APPL1: variants seen among roughly 807,000 people sequenced by gnomAD.
APPL1 encodes adaptor protein, phosphotyrosine interacting with PH domain and leucine zipper 1.
In APPL1, 42 loss-of-function variants were observed where a neutral mutation model predicts 106.8. That is an observed-to-expected ratio of 0.39 (90% CI 0.31 to 0.51). The LOEUF is 0.51. APPL1 is among the 20% of genes least tolerant of loss of function. APPL1 has a pLI of 0.75. For missense variants in APPL1, 769 were observed against 858.2 expected, an observed-to-expected ratio of 0.90 and a Z score of 1.30; for synonymous variants, 263 against 281.8, an observed-to-expected ratio of 0.93 and a Z score of 0.67.
intron 13 of APPL1, 83 bp from the exon 14 acceptor site, chr3:57,256,874 A>C: frequency 9.6e-7 from 1 of 1,044,964 alleles, no homozygotes. Flanking sequence ...ACTCAGAAGC[A>C]TTCTAACAAT....
chr3:57,246,831 C>G (rs149869354), intron 8 of APPL1, among the ~76,000 whole-genome samples: 43 of 151,824 alleles, frequency 2.8e-4, no homozygotes, highest in Non-Finnish European at 5.7e-4. Context: ...AGGGAGACCC[C>G]ATCTCTACAA....
rs550192941 is a variant in APPL1 at position 57,253,944 on chromosome 3, C to T, written c.1152+206C>T. 4.0e-4 allele frequency among the ~76,000 whole-genome samples: 60 copies of T among 149,844 alleles called. 1 individual carries two copies. Among genetic ancestry groups the T allele is most frequent in the African/African-American group, 1.5e-3 (60 of 40,894 alleles). ...GTGGCCTGATCTTTGTTCACTACAA[C>T]CTCCACCTCCCAGGTTCAAGCGATT... On this transcript the variant is annotated intron_variant, in intron 13 of 21. Coordinates refer to ENST00000288266, the MANE Select transcript of APPL1 (RefSeq NM_012096.3).
intron 11 of APPL1, among the ~76,000 whole-genome samples, chr3:57,249,838 T>C (rs1373501292): frequency 3.3e-5 from 5 of 152,124 alleles, no homozygotes; most frequent in Non-Finnish European, 5.9e-5. Flanking sequence ...ACAGAACAAG[T>C]TAATGGAAAG....
rs2060712792 is a variant in APPL1, at chr3:57,235,674, T to G, written c.153+10T>G. ...GATTTATGATGCACAGGTAAAACACTAAGGACTAACTTGATGCTTTTAAAA... is the reference window on the plus strand; with the variant it reads ...GATTTATGATGCACAGGTAAAACACGAAGGACTAACTTGATGCTTTTAAAA... On this transcript the variant is annotated intron_variant, in intron 2 of 21. Coordinates refer to ENST00000288266, the MANE Select transcript of APPL1 (RefSeq NM_012096.3). 1.3e-6 allele frequency: 2 copies of G among 1,594,214 alleles called. No homozygotes were observed.
intron 2 of APPL1, among the ~76,000 whole-genome samples, chr3:57,236,934 G>A (rs1022756217): frequency 1.3e-5 from 2 of 152,118 alleles, no homozygotes; most frequent in African/African-American, 4.8e-5. Flanking sequence ...GAGTTGCTAT[G>A]TTGTTGTTTA....
In APPL1 at chr3:57,246,171, C is replaced by T. The variant is rs2060772535; in HGVS notation, c.570C>T (p.Tyr190=). 1.9e-6 allele frequency: 3 copies of T among 1,611,108 alleles called. No homozygotes were observed. The highest frequency in any genetic ancestry group is 2.5e-6 in the Non-Finnish European group (3 of 1,178,738). ...TTTGTGCATTAAATACTCTTCAGTACAAGAAGAAAATAGCATTGTTAGAAC... is the reference window on the plus strand; with the variant it reads ...TTTGTGCATTAAATACTCTTCAGTATAAGAAGAAAATAGCATTGTTAGAAC... ...HYFCALNTLQ[Y]KKKIALLEPL... The change falls in exon 8 of 22, where the codon TAC becomes TAT. Residue 190 remains tyrosine (Y), a synonymous_variant. Coordinates refer to ENST00000288266, the MANE Select transcript of APPL1 (RefSeq NM_012096.3).
At chr3:57,264,530 C>A (rs899562426) in intron 19 of APPL1, among the ~76,000 whole-genome samples, 1 of 148,792 alleles carries the variant, frequency 6.7e-6, no homozygotes. Flanking sequence ...AGATTTAAGG[C>A]TTTAATCCAT....
In APPL1 at chr3:57,272,097, G is replaced by GACTT. The variant is rs774766494; in HGVS notation, c.*2413_*2416dup. 2.6e-5 allele frequency: 4 copies of GACTT among 152,094 alleles called. No individual in the cohort carries two copies. The highest frequency in any genetic ancestry group is 2.4e-5 in the African/African-American group (1 of 41,420). 9.4% of individuals were successfully genotyped at this position (152,094 alleles called of 1,614,324 possible). A position where few individuals can be genotyped will look rare whatever the true frequency, so the allele number is the denominator to read the frequency against. ...TTTGGGATATCTTTTCTCACATTCA[G>GACTT]ACTTACACTTAATGGTGTTAGAAAT... On this transcript the variant is annotated 3_prime_UTR_variant, in exon 22 of 22. Transcript: ENST00000288266.
At chr3:57,268,286 A>T in intron 20 of APPL1, 112 bp from the exon 21 acceptor site, 1 of 1,096,862 alleles carries the variant, frequency 9.1e-7, no homozygotes, top group Non-Finnish European at 1.3e-6. Context: ...GTGCTTTCTT[A>T]TGTATAAATG....
At position 57,267,769 on chromosome 3, in the gene APPL1, C is replaced by T. The variant is rs2060903056; in HGVS notation, c.1870C>T (p.Gln624Ter). Residue 624 changes from glutamine to a stop codon, truncating the protein, a stop_gained, in exon 20 of 22, where the codon CAG (glutamine) becomes TAG (stop). Coordinates refer to ENST00000288266, the MANE Select transcript of APPL1 (RefSeq NM_012096.3). LOFTEE classifies it high-confidence loss of function. Reference protein sequence around the residue: ...KICDSVGLAKQIALHAELDRR... With the variant: ...KICDSVGLAK ...ATGTGATTCTGTTGGACTGGCAAAA[C>T]AGATAGCTTTGCATGCTGAACTGGT... 6.2e-7 allele frequency: 1 copy of T among 1,613,866 alleles called. No individual in the cohort carries two copies. The highest frequency in any genetic ancestry group is 8.5e-7 in the Non-Finnish European group (1 of 1,179,994).
chr3:57,272,033 TTC>T lies in APPL1; in HGVS notation c.*2348_*2349del, dbSNP rs2060944787. 6.6e-6 allele frequency: 1 copy of T among 152,204 alleles called. No individual in the cohort carries two copies. 9.4% of individuals were successfully genotyped at this position (152,204 alleles called of 1,614,324 possible). A position where few individuals can be genotyped will look rare whatever the true frequency, so the allele number is the denominator to read the frequency against. Reference sequence around the variant, plus strand: ...GATTGTTACCCTCCTTTGAAATCCCTTCTAGTTCTGAGATGCTTTGAGGGTAA... The same window carrying T: ...GATTGTTACCCTCCTTTGAAATCCCTTAGTTCTGAGATGCTTTGAGGGTAA... On this transcript the variant is annotated 3_prime_UTR_variant, in exon 22 of 22. Transcript: ENST00000288266.
Position 57,237,513 on chromosome 3 carries a change from C to CA in APPL1, c.176dup (p.His59GlnfsTer11). ...ATAGAATGAATTAAGTGCAGCAACA[C>CA]ACCTGACCTCAAAACTTTTAAAAGA... On this transcript the variant is annotated frameshift_variant, in exon 3 of 22. Transcript: ENST00000288266. LOFTEE classifies it high-confidence loss of function. 1.2e-6 allele frequency: 2 copies of CA among 1,603,320 alleles called. No homozygotes were observed. Among genetic ancestry groups the CA allele is most frequent in the Non-Finnish European group, 1.7e-6 (2 of 1,175,152 alleles).
At position 57,268,335 on chromosome 3, in the gene APPL1, A is replaced by G. The variant is rs1306745017; in HGVS notation, c.1894-63A>G. On this transcript the variant is annotated intron_variant, in intron 20 of 21. Transcript: ENST00000288266. ...AAAGGTTACCATGTGATATTAACTGAAATGTCTAAAATTTAAAGTTATTTC... is the reference window on the plus strand; with the variant it reads ...AAAGGTTACCATGTGATATTAACTGGAATGTCTAAAATTTAAAGTTATTTC... 1.8e-5 allele frequency: 26 copies of G among 1,417,562 alleles called. No homozygotes were observed. In the East Asian group the frequency reaches 6.0e-4, roughly 33 times the overall value. The allele number at this position is 1,417,562 out of a possible 1,614,324, so 87.8% of individuals were successfully genotyped here.
Position 57,249,378 on chromosome 3 carries a change from A to C in APPL1, c.882A>C (p.Ser294=). The change falls in exon 11 of 22, where the codon TCA becomes TCC. Residue 294 remains serine, a synonymous_variant. Transcript: ENST00000288266. ...LNARNKTGLV[S]STWDRQFYFT... is the part of the protein sequence containing the mutation. Reference sequence around the variant, plus strand: ...CATTCAGTAAAACAGGCTTGGTGTCATCTACCTGGGACAGACAGTTTTACT... The same window carrying C: ...CATTCAGTAAAACAGGCTTGGTGTCCTCTACCTGGGACAGACAGTTTTACT... The C allele has an allele frequency of 6.2e-7, 1 of 1,614,182 alleles. No homozygotes were observed. The highest frequency in any genetic ancestry group is 8.5e-7 in the Non-Finnish European group (1 of 1,180,034).
chr3:57,257,558 A>G, intron 15 of APPL1, 130 bp downstream of exon 15: 2 of 781,540 alleles, frequency 2.6e-6, no homozygotes, highest in Non-Finnish European at 3.6e-6. Flanking sequence ...TTAATTATGT[A>G]ACATATTGTT....
chr3:57,261,003 T>C (rs561220402), intron 19 of APPL1, among the ~76,000 whole-genome samples: 41 of 152,336 alleles, frequency 2.7e-4, no homozygotes, highest in African/African-American at 9.4e-4. Context: ...CAATACATTT[T>C]TGTGAAGTAT....
At chr3:57,258,594 A>G (rs1445163588) in intron 15 of APPL1, among the ~76,000 whole-genome samples, 1 of 152,250 alleles carries the variant, frequency 6.6e-6, no homozygotes, top group Non-Finnish European at 1.5e-5. Flanking sequence ...TTTAAGAAAT[A>G]CAGGTTTAAA....
At chr3:57,233,369 C>T (rs994884697) in intron 1 of APPL1, among the ~76,000 whole-genome samples, 2 of 151,806 alleles carry the variant, frequency 1.3e-5, no homozygotes, top group African/African-American at 4.8e-5. Flanking sequence ...ATATTGTTAG[C>T]TTAAAATAGG....
intron 1 of APPL1, among the ~76,000 whole-genome samples, chr3:57,229,040 T>A (rs1278605489): frequency 6.6e-6 from 1 of 152,194 alleles, no homozygotes; most frequent in Admixed American, 6.5e-5. Flanking sequence ...TAGAATTGAT[T>A]TGTTCTTTTT....
Sources: gnomAD v4.1 joint callset for allele counts (sites outside exome capture counted in the v4.1 genomes callset) on GRCh38, gnomAD v4.1.1 for gene constraint, MANE v1.5 for transcripts, NCBI Gene and HGNC (gene_info 2026-07-23, HGNC 2026-07-21) for gene names.